MDN1: variants seen among roughly 807,000 people sequenced by gnomAD.
The protein encoded by MDN1 is midasin.
Under a neutral mutation model 669.2 loss-of-function variants are expected in MDN1, and 266 were observed. The observed-to-expected ratio is 0.40, with a 90% CI of 0.36 to 0.44. The LOEUF is 0.44. Ranked by LOEUF, MDN1 falls within the 20% of genes least tolerant of loss-of-function variation. The pLI is 1.00. For synonymous variants in MDN1, 2,385 were observed against 2,457.1 expected (o/e 0.97, Z 0.87); for missense variants, 5,940 against 6,754.0 (o/e 0.88, Z 4.22).
At position 89,718,757 on chromosome 6, in the gene MDN1, G is replaced by C; in HGVS notation, c.6321+10C>G. 1 of 1,612,362 alleles carries C rather than the reference G, an allele frequency of 6.2e-7. No individual in the cohort carries two copies. Among genetic ancestry groups the C allele is most frequent in the Non-Finnish European group, 8.5e-7 (1 of 1,178,570 alleles). On this transcript the variant is annotated intron_variant, in intron 42 of 101. Coordinates refer to ENST00000369393, the MANE Select transcript of MDN1 (RefSeq NM_014611.3). ...TGCTTTGCCAGAAAATATGAAGGCA[G>C]ACTGGTTACCTGCTCAAATCCACCC...
At chr6:89,723,815 T>A (rs184753832) in intron 38 of MDN1, among the ~76,000 whole-genome samples, 196 bp from the exon 39 acceptor site, 12 of 152,176 alleles carry the variant, frequency 7.9e-5, no homozygotes, top group Admixed American at 7.9e-4. Context: ...TACAGCTGAG[T>A]AGAGGTTTTG....
At chr6:89,730,628 T>C (rs961478485) in intron 35 of MDN1, 98 bp downstream of exon 35, 4 of 903,328 alleles carry the variant, frequency 4.4e-6, no homozygotes, top group Non-Finnish European at 5.0e-6. Context: ...AGTGCAAATA[T>C]AATCATGAGT....
At chr6:89,658,494 C>T (rs1809488909) in intron 89 of MDN1, 116 bp downstream of exon 89, 1 of 1,530,672 alleles carries the variant, frequency 6.5e-7, no homozygotes, top group African/African-American at 1.4e-5. Flanking sequence ...CCTAGAACTC[C>T]TCGGAAGTGC....
At chr6:89,790,439 CT>C (rs1819198824) in intron 5 of MDN1, 38 bp from the exon 6 acceptor site, 2 of 1,612,046 alleles carry the variant, frequency 1.2e-6, no homozygotes, top group Non-Finnish European at 1.7e-6. Context: ...AAGAAGAGTT[CT>C]TCCCCCAAGG....
At chr6:89,758,745 A>C in intron 18 of MDN1, 71 bp downstream of exon 18, 2 of 1,512,662 alleles carry the variant, frequency 1.3e-6, no homozygotes, top group East Asian at 2.3e-5. Context: ...AACAACAACA[A>C]CAAAAAATCT....
At chr6:89,736,635 A>G (rs1239139287) in intron 33 of MDN1, among the ~76,000 whole-genome samples, 2 of 151,960 alleles carry the variant, frequency 1.3e-5, no homozygotes, top group Non-Finnish European at 2.9e-5. Context: ...TCAAAAAAAA[A>G]ACACAAAAAT....
chr6:89,729,035 T>G lies in MDN1; in HGVS notation c.5245A>C (p.Ile1749Leu). The change falls in exon 36 of 102, where the codon ATT becomes CTT. Residue 1749 changes from isoleucine to leucine, a missense_variant. By Grantham distance (5) the Ile-to-Leu change is conservative. Transcript: ENST00000369393. ...LLRATKLKKP[I>L]LLEGSPGVGK... Reference sequence around the variant, plus strand: ...ACACCAGGGGAACCCTCCAGGAGAATGGGCTTCTTCAGTTTGGTAGCTCTT... The same window carrying G: ...ACACCAGGGGAACCCTCCAGGAGAAGGGGCTTCTTCAGTTTGGTAGCTCTT... The G allele has an allele frequency of 6.2e-7, 1 of 1,614,146 alleles. No individual in the cohort carries two copies. Among genetic ancestry groups the G allele is most frequent in the Non-Finnish European group, 8.5e-7 (1 of 1,180,018 alleles).
intron 1 of MDN1, among the ~76,000 whole-genome samples, chr6:89,818,696 G>A (rs917826242): frequency 1.3e-5 from 2 of 151,856 alleles, no homozygotes; most frequent in African/African-American, 4.8e-5. Flanking sequence ...TGTAATCCCA[G>A]CTACTGAGAG....
In MDN1 at chr6:89,700,313, G is replaced by A. The variant is rs749980597; in HGVS notation, c.8639-19C>T. 5.1e-6 allele frequency: 8 copies of A among 1,581,304 alleles called. No homozygotes were observed. The East Asian group carries it at 1.1e-4, about 22-fold the overall frequency. On this transcript the variant is annotated intron_variant, in intron 56 of 101. Transcript: ENST00000369393. ...AATTCATCTGGACAAAAAGACAAATGTTGTATGAGAGCACAATGGTTAAGA... is the reference window on the plus strand; with the variant it reads ...AATTCATCTGGACAAAAAGACAAATATTGTATGAGAGCACAATGGTTAAGA...
At position 89,701,638 on chromosome 6, in the gene MDN1, T is replaced by C. The variant is rs763315551; in HGVS notation, c.8347A>G (p.Asn2783Asp). The change falls in exon 55 of 102, where the codon AAT becomes GAT. Residue 2783 changes from asparagine to aspartate, a missense_variant. Physicochemically the swap from Asn to Asp is conservative, Grantham distance 23. Around this residue, in one of 5 missense-constraint regions of MDN1, gnomAD observed 2,292 missense variants for 2,638.3 expected, o/e 0.87. Coordinates refer to ENST00000369393, the MANE Select transcript of MDN1 (RefSeq NM_014611.3). ...CCACCAGTCTGGCTCCCCAGACAAT[T>C]CTGAATATGTTCTGAGACAGTCTGA... is the stretch of plus-strand genomic sequence containing the variant. Reference protein sequence around the residue: ...EVQTVSEHIQNCLGSQTGGFA... With the variant: ...EVQTVSEHIQDCLGSQTGGFA... 1 of 1,614,170 alleles carries C rather than the reference T, an allele frequency of 6.2e-7. No homozygotes were observed. Among genetic ancestry groups the C allele is most frequent in the South Asian group, 1.1e-5 (1 of 91,078 alleles).
Position 89,793,914 on chromosome 6 carries a change from A to T in MDN1, c.703T>A (p.Leu235Met). The T allele has an allele frequency of 6.2e-7, 1 of 1,614,074 alleles. No individual in the cohort carries two copies. Among genetic ancestry groups the T allele is most frequent in the East Asian group, 2.2e-5 (1 of 44,868 alleles). Reference protein sequence around the residue: ...EAQLQDLEKALVLANPEVSLW... With the variant: ...EAQLQDLEKAMVLANPEVSLW... ...GAGACTTCTGGATTGGCCAAAACCAAGGCCTTCTCCAAGTCCTGCAACTGG... is the reference window on the plus strand; with the variant it reads ...GAGACTTCTGGATTGGCCAAAACCATGGCCTTCTCCAAGTCCTGCAACTGG... Residue 235 changes from leucine (L) to methionine (M), a missense_variant, in exon 5 of 102, where the codon TTG (leucine) becomes ATG (methionine). Leu to Met is a conservative substitution (Grantham distance 15). This residue lies in a region of MDN1 where 1,203 missense variants were observed against 1,268.9 expected (regional missense o/e 0.95). Coordinates refer to ENST00000369393, the MANE Select transcript of MDN1 (RefSeq NM_014611.3).
chr6:89,673,962 C>A (rs1811008946), intron 79 of MDN1, 142 bp downstream of exon 79: 2 of 889,804 alleles, frequency 2.2e-6, no homozygotes, highest in Non-Finnish European at 3.3e-6. Context: ...CCCCATCCCC[C>A]AAACCGACGA....
At chr6:89,818,459 C>T (rs371574560) in intron 1 of MDN1, among the ~76,000 whole-genome samples, 6 of 151,686 alleles carry the variant, frequency 4.0e-5, no homozygotes, top group African/African-American at 1.2e-4. Flanking sequence ...CAAAGGGGGA[C>T]CTTACAACTA....
chr6:89,662,113 C>G lies in MDN1; in HGVS notation c.14539G>C (p.Asp4847His), dbSNP rs1809819220. The change falls in exon 87 of 102, where the codon GAC becomes CAC. Residue 4847 changes from aspartate to histidine, a missense_variant. By Grantham distance (81) the Asp-to-His change is moderately conservative. Transcript: ENST00000369393. ...TCATCTATTTGTTCATTAATTTTGTCTTCACCTTGTCCACCATCATCAGCT... is the reference window on the plus strand; with the variant it reads ...TCATCTATTTGTTCATTAATTTTGTGTTCACCTTGTCCACCATCATCAGCT... ...AEADDGGQGE[D>H]KINEQIDERD... The G allele has an allele frequency of 6.2e-7, 1 of 1,612,650 alleles. No individual in the cohort carries two copies. Among genetic ancestry groups the G allele is most frequent in the African/African-American group, 1.3e-5 (1 of 74,850 alleles).
intron 45 of MDN1, 26 bp downstream of exon 45, chr6:89,715,627 G>A (rs781716079): frequency 2.1e-6 from 3 of 1,422,232 alleles, no homozygotes; most frequent in Non-Finnish European, 3.0e-6. Context: ...CAGATTCTGA[G>A]GCAGAAATGT....
At chr6:89,697,515 T>C (rs6454772) in intron 59 of MDN1, among the ~76,000 whole-genome samples, 110,846 of 151,974 alleles carry the variant, frequency 0.73, 40,772 homozygotes, top group East Asian at 0.95. Context: ...CCAACTCATA[T>C]TGGGCAAAGG....
chr6:89,797,198 C>A (rs972476327), intron 2 of MDN1, among the ~76,000 whole-genome samples: 1 of 151,632 alleles, frequency 6.6e-6, no homozygotes, highest in African/African-American at 2.4e-5. Context: ...GGTGAAACCC[C>A]GTCTCTACTA....
Position 89,819,678 on chromosome 6 carries a change from G to T in MDN1, c.-71C>A. 1 of 1,309,328 alleles carries T rather than the reference G, an allele frequency of 7.6e-7. No individual in the cohort carries two copies. The highest frequency in any genetic ancestry group is 1.1e-6 in the Non-Finnish European group (1 of 918,224). 81.1% of individuals were successfully genotyped at this position (1,309,328 alleles called of 1,614,324 possible). A position where few individuals can be genotyped will look rare whatever the true frequency, so the allele number is the denominator to read the frequency against. On this transcript the variant is annotated 5_prime_UTR_variant, in exon 1 of 102. Transcript: ENST00000369393. Reference sequence around the variant, plus strand: ...GCGGCCAGCGTCCCCAAGCCGCCGAGGTCCCAGTGCCCGAGCAGCCAGCAA... The same window carrying T: ...GCGGCCAGCGTCCCCAAGCCGCCGATGTCCCAGTGCCCGAGCAGCCAGCAA...
intron 1 of MDN1, chr6:89,815,179 G>A (rs975530394): frequency 7.9e-6 from 3 of 380,542 alleles, no homozygotes; most frequent in East Asian, 6.5e-5. Context: ...ACAGGCTCAC[G>A]TGCCTACCCT....
Sources: allele counts gnomAD v4.1 joint callset (sites outside exome capture counted in the v4.1 genomes callset), GRCh38; gene constraint gnomAD v4.1.1; regional missense constraint gnomAD v4.1.1; transcripts MANE v1.5; gene names NCBI Gene and HGNC (gene_info 2026-07-23, HGNC 2026-07-21).